DPP10: variants seen among roughly 807,000 people sequenced by gnomAD.
DPP10 encodes the protein inactive dipeptidyl peptidase 10.
In DPP10, 33 loss-of-function variants were observed where a neutral mutation model predicts 120.9. That is an observed-to-expected ratio of 0.27 (90% CI 0.21 to 0.37). The LOEUF (loss-of-function observed/expected upper bound fraction) is 0.37, where lower values mean the gene tolerates loss of function less well. Among genes scored for constraint, DPP10 ranks in the 10% least tolerant of loss-of-function variants. DPP10 has a pLI of 1.00. For synonymous variants in DPP10, 337 were observed against 326.1 expected, an observed-to-expected ratio of 1.03 and a Z score of -0.36; for missense variants, 816 against 942.8, an observed-to-expected ratio of 0.87 and a Z score of 1.76.
At chr2:115,089,234 T>C (rs1385790147) in intron 1 of DPP10, among the ~76,000 whole-genome samples, 1 of 152,210 alleles carries the variant, frequency 6.6e-6, no homozygotes, top group Non-Finnish European at 1.5e-5. Flanking sequence ...CATTTCTTTC[T>C]AATATTAGAA....
intron 9 of DPP10, among the ~76,000 whole-genome samples, chr2:115,743,879 G>A (rs951327277): frequency 2.1e-4 from 32 of 150,588 alleles, no homozygotes; most frequent in Non-Finnish European, 4.3e-4. Context: ...TTCTCGAAAT[G>A]TGGTCCTTTC....
intron 5 of DPP10, among the ~76,000 whole-genome samples, chr2:115,533,182 CTT>C (rs1229905770): frequency 1.3e-5 from 2 of 152,008 alleles, no homozygotes; most frequent in Admixed American, 6.6e-5. Context: ...TAAATTTACT[CTT>C]GTTTCAGCAG....
chr2:114,931,841 A>C (rs1696092478), intron 1 of DPP10, among the ~76,000 whole-genome samples: 1 of 152,166 alleles, frequency 6.6e-6, no homozygotes, highest in East Asian at 1.9e-4. Flanking sequence ...GGTCCAGTTA[A>C]ATTTAAAGTT....
intron 21 of DPP10, 46 bp from the exon 22 acceptor site, chr2:115,836,099 ATGTGTGTGTGTG>A (rs10549769): frequency 9.9e-6 from 6 of 607,862 alleles, no homozygotes; most frequent in Middle Eastern, 3.6e-4. Flanking sequence ...GTGTGTGTGT[ATGTGTGTGTGTG>A]TGTGTGAGAT....
At chr2:115,149,174 T>C (rs2051395030) in intron 1 of DPP10, among the ~76,000 whole-genome samples, 1 of 152,226 alleles carries the variant, frequency 6.6e-6, no homozygotes, top group South Asian at 2.1e-4. Context: ...ACTCAGCTTT[T>C]ATATTGTTTG....
intron 1 of DPP10, among the ~76,000 whole-genome samples, chr2:115,074,720 T>G (rs1415906932): frequency 2.0e-5 from 3 of 152,000 alleles, no homozygotes; most frequent in African/African-American, 7.3e-5. Flanking sequence ...CTGGACTAGG[T>G]TTGGGTGCTG....
intron 17 of DPP10, among the ~76,000 whole-genome samples, chr2:115,789,409 C>T (rs1683698406): frequency 6.6e-6 from 1 of 151,990 alleles, no homozygotes; most frequent in Admixed American, 6.5e-5. Flanking sequence ...AAAATTTTGG[C>T]AAACAATAAT....
intron 5 of DPP10, among the ~76,000 whole-genome samples, chr2:115,555,612 G>A (rs1232618836): frequency 6.6e-5 from 10 of 152,100 alleles, no homozygotes; most frequent in East Asian, 1.9e-4. Flanking sequence ...TAGTCAGAAA[G>A]TGGGAGGGCA....
chr2:115,728,535 G>C (rs537948598), intron 8 of DPP10, among the ~76,000 whole-genome samples: 12 of 152,206 alleles, frequency 7.9e-5, no homozygotes, highest in Non-Finnish European at 1.3e-4. Flanking sequence ...TAGATTGCCT[G>C]GGCAAGACTC....
At chr2:115,017,524 A>C (rs1347541889) in intron 1 of DPP10, among the ~76,000 whole-genome samples, 1 of 152,156 alleles carries the variant, frequency 6.6e-6, no homozygotes, top group Non-Finnish European at 1.5e-5. Context: ...AAGGATTATA[A>C]ATCATGCTGC....
At chr2:115,180,344 A>G (rs868378122) in intron 1 of DPP10, among the ~76,000 whole-genome samples, 1 of 152,186 alleles carries the variant, frequency 6.6e-6, no homozygotes, top group African/African-American at 2.4e-5. Flanking sequence ...ATAAATACTG[A>G]ATAGGTATGA....
intron 7 of DPP10, 27 bp downstream of exon 7, chr2:115,689,948 A>C: frequency 6.3e-7 from 1 of 1,592,846 alleles, no homozygotes; most frequent in South Asian, 1.1e-5. Context: ...GTATGCACTG[A>C]ACACTGCCAA....
intron 5 of DPP10, among the ~76,000 whole-genome samples, chr2:115,619,777 TTC>T (rs1417068159): frequency 6.6e-6 from 1 of 152,226 alleles, no homozygotes; most frequent in Non-Finnish European, 1.5e-5. Context: ...TCGTTTGTTT[TTC>T]TGTCTTCTTT....
At position 114,613,933 on chromosome 2, in the gene DPP10, C is replaced by A. The variant is rs1156605341; in HGVS notation, c.60+171095C>A. On this transcript the variant is annotated intron_variant, in intron 1 of 25. Transcript: ENST00000410059. The stretch of plus-strand genomic sequence containing the variant: ...AGTAGAACAATGAGAACACATGGAC[C>A]CAGGAAGGGGAACATCATACACCAG... Among the ~76,000 whole-genome samples the A allele has an allele frequency of 2.6e-5, 4 of 151,986 alleles. No individual in the cohort carries two copies. In the East Asian group the frequency reaches 7.7e-4, roughly 29 times the overall value.
At chr2:115,116,532 C>T (rs1014704532) in intron 1 of DPP10, among the ~76,000 whole-genome samples, 2 of 152,104 alleles carry the variant, frequency 1.3e-5, no homozygotes, top group African/African-American at 4.8e-5. Context: ...GTGCATATTT[C>T]CAAGACTACC....
At chr2:115,479,506 A>G (rs2075298035) in intron 3 of DPP10, among the ~76,000 whole-genome samples, 1 of 152,166 alleles carries the variant, frequency 6.6e-6, no homozygotes, top group African/African-American at 2.4e-5. Flanking sequence ...ATCCAACAAT[A>G]TGAATGTACT....
At chr2:114,734,829 A>G (rs1677263929) in intron 1 of DPP10, among the ~76,000 whole-genome samples, 1 of 152,190 alleles carries the variant, frequency 6.6e-6, no homozygotes, top group African/African-American at 2.4e-5. Flanking sequence ...TAGAACTGCC[A>G]TAGAAAACTA....
In DPP10 at chr2:115,321,847, A is replaced by G. The variant is rs181611127; in HGVS notation, c.175+12494A>G. Among the ~76,000 whole-genome samples, 18 of 152,140 alleles carry G rather than the reference A, an allele frequency of 1.2e-4. 1 individual carries two copies. The East Asian group carries it at 3.1e-3, about 26-fold the overall frequency. ...ACTGAGTTTGTATGTAAGTTCTTAG[A>G]CTTTTAAGCTCCAGAATTTCTGTGC... On this transcript the variant is annotated intron_variant, in intron 2 of 25. Transcript: ENST00000410059.
intron 1 of DPP10, among the ~76,000 whole-genome samples, chr2:114,982,794 A>AAAAAATTT (rs1558952222): frequency 6.6e-6 from 1 of 151,636 alleles, no homozygotes; most frequent in African/African-American, 2.4e-5. Flanking sequence ...TTTTGTAGAA[A>AAAAAATTT]TGGAGTTTCG....
Sources: gnomAD v4.1 joint callset for allele counts (sites outside exome capture counted in the v4.1 genomes callset) on GRCh38, gnomAD v4.1.1 for gene constraint, MANE v1.5 for transcripts, NCBI Gene and HGNC (gene_info 2026-07-23, HGNC 2026-07-21) for gene names.